Variants in BTRC observed in about 807,000 individuals in gnomAD.
BTRC encodes the protein beta-transducin repeat containing E3 ubiquitin protein ligase.
A neutral mutation model predicts 85.5 loss-of-function variants in BTRC; 42 were observed. That is an observed-to-expected ratio of 0.49 (90% CI 0.38 to 0.64). The LOEUF (loss-of-function observed/expected upper bound fraction) is 0.64. Among genes scored for constraint, BTRC ranks in the 30% least tolerant of loss-of-function variants. The pLI is 0.00. For missense variants in BTRC, 594 were observed against 743.5 expected, an observed-to-expected ratio of 0.80 and a Z score of 2.34; for synonymous variants, 255 against 263.3, an observed-to-expected ratio of 0.97 and a Z score of 0.30.
rs576384573 is a variant in BTRC at position 101,550,908 on chromosome 10, T to G, written c.*31+17T>G. 1.5e-5 allele frequency: 24 copies of G among 1,572,510 alleles called. No individual in the cohort carries two copies. In the East Asian group the frequency reaches 5.0e-4, roughly 33 times the overall value. Reference sequence around the variant, plus strand: ...CTTGCCCAGGTATCGAAATCGATTATGTACATAACACTGTGGGTAGGAGAC... The same window carrying G: ...CTTGCCCAGGTATCGAAATCGATTAGGTACATAACACTGTGGGTAGGAGAC... On this transcript the variant is annotated intron_variant, in intron 14 of 14. Transcript: ENST00000370187.
chr10:101,414,628 G>A (rs1310879145), intron 1 of BTRC: 3 of 516,908 alleles, frequency 5.8e-6, no homozygotes, highest in Non-Finnish European at 1.2e-5. Flanking sequence ...GGAGATGACA[G>A]GTCCATAGAT....
At chr10:101,389,937 A>G (rs1189786860) in intron 1 of BTRC, among the ~76,000 whole-genome samples, 2 of 152,124 alleles carry the variant, frequency 1.3e-5, no homozygotes, top group African/African-American at 2.4e-5. Flanking sequence ...TTGCAAGACC[A>G]CTATAAGGCC....
chr10:101,498,406 T>C (rs1163889320), intron 4 of BTRC, among the ~76,000 whole-genome samples: 5 of 151,966 alleles, frequency 3.3e-5, no homozygotes, highest in Middle Eastern at 3.2e-3. Flanking sequence ...CTGCCCCCCT[T>C]GGCCTCCCAA....
chr10:101,522,077 G>A (rs2062115944), intron 5 of BTRC, among the ~76,000 whole-genome samples: 1 of 114,824 alleles, frequency 8.7e-6, no homozygotes, highest in Non-Finnish European at 1.6e-5. Flanking sequence ...CTGTCGCCCA[G>A]GCTGGAATGC....
chr10:101,428,744 A>G (rs768149725), intron 1 of BTRC, among the ~76,000 whole-genome samples: 12 of 152,240 alleles, frequency 7.9e-5, no homozygotes, highest in Admixed American at 3.3e-4. Context: ...GCGTAGTCCT[A>G]TGGGTGGTAA....
chr10:101,483,231 T>TACAACC (rs1292805365), intron 4 of BTRC, among the ~76,000 whole-genome samples: 8 of 152,096 alleles, frequency 5.3e-5, no homozygotes, highest in African/African-American at 1.4e-4. Flanking sequence ...TAAAACAAAT[T>TACAACC]ACAACCACCC....
rs1412943010 is a variant in BTRC at position 101,475,951 on chromosome 10, A to ATATATATATATATT, written c.235-3414_235-3413insATATATATATTTAT. ...TATATATATATATATATATATATATATATTCAGTAATTCCTAAGGGGAAAA... is the reference window on the plus strand; with the variant it reads ...TATATATATATATATATATATATATATATATATATATATTTATTCAGTAATTCCTAAGGGGAAAA... On this transcript the variant is annotated intron_variant, in intron 3 of 14. Transcript: ENST00000370187. Among the ~76,000 whole-genome samples the ATATATATATATATT allele has an allele frequency of 1.8e-4, 25 of 139,654 alleles. 1 individual carries two copies. The highest frequency in any genetic ancestry group is 8.5e-4 in the Admixed American group (12 of 14,176). The allele number at this position is 139,654 out of a possible 152,430, so 91.6% of individuals were successfully genotyped here.
At chr10:101,401,999 T>C (rs1315048694) in intron 1 of BTRC, among the ~76,000 whole-genome samples, 1 of 152,176 alleles carries the variant, frequency 6.6e-6, no homozygotes, top group Non-Finnish European at 1.5e-5. Context: ...ACTTTTAAGA[T>C]CTGTTGTTTT....
At chr10:101,525,509 CT>C in intron 5 of BTRC, among the ~76,000 whole-genome samples, 1 of 152,150 alleles carries the variant, frequency 6.6e-6, no homozygotes, top group South Asian at 2.1e-4. Flanking sequence ...GCCCAAAATT[CT>C]ATAACCCAGC....
chr10:101,385,955 T>TAGA (rs1943068214), intron 1 of BTRC, among the ~76,000 whole-genome samples: 1 of 152,134 alleles, frequency 6.6e-6, no homozygotes. Flanking sequence ...AGCTTCATCA[T>TAGA]AAAGTGCCAT....
intron 1 of BTRC, among the ~76,000 whole-genome samples, chr10:101,398,595 G>A (rs1482005260): frequency 6.6e-6 from 1 of 152,132 alleles, no homozygotes; most frequent in Non-Finnish European, 1.5e-5. Flanking sequence ...GAGCAACTGC[G>A]CCCAGCTGAA....
intron 1 of BTRC, among the ~76,000 whole-genome samples, chr10:101,368,724 T>C (rs1184449424): frequency 6.6e-6 from 1 of 152,104 alleles, no homozygotes; most frequent in Non-Finnish European, 1.5e-5. Flanking sequence ...TCACTTAATA[T>C]CGTCTTTTTT....
At chr10:101,354,331 G>A in intron 1 of BTRC, 103 bp downstream of exon 1, 1 of 1,290,096 alleles carries the variant, frequency 7.8e-7, no homozygotes, top group Non-Finnish European at 1.0e-6. Flanking sequence ...CGGGACCCTG[G>A]GCCGAGGCTG....
intron 1 of BTRC, 28 bp downstream of exon 1, chr10:101,354,256 G>A: frequency 1.3e-6 from 2 of 1,548,014 alleles, no homozygotes; most frequent in Non-Finnish European, 1.7e-6. Context: ...GCCGGGGAAC[G>A]GTGGAGGCGC....
Position 101,411,593 on chromosome 10 carries a change from A to G in BTRC, c.49-18752A>G, listed in dbSNP as rs540488377. Among the ~76,000 whole-genome samples, 3 of 152,212 alleles carry G rather than the reference A, an allele frequency of 2.0e-5. No homozygotes were observed. The South Asian group carries it at 6.2e-4, about 32-fold the overall frequency. Reference sequence around the variant, plus strand: ...GCTAGTCCTATTTCATGAAATTATCATTTCAAACATTGTATTTTTCATTCT... The same window carrying G: ...GCTAGTCCTATTTCATGAAATTATCGTTTCAAACATTGTATTTTTCATTCT... On this transcript the variant is annotated intron_variant, in intron 1 of 14. Transcript: ENST00000370187.
chr10:101,521,547 A>G, intron 4 of BTRC, 92 bp from the exon 5 acceptor site: 1 of 892,156 alleles, frequency 1.1e-6, no homozygotes, highest in Non-Finnish European at 1.7e-6. Flanking sequence ...AATCATGTAG[A>G]CATAATATAG....
chr10:101,412,822 G>A (rs1943818481), intron 1 of BTRC, among the ~76,000 whole-genome samples: 1 of 152,152 alleles, frequency 6.6e-6, no homozygotes, highest in South Asian at 2.1e-4. Context: ...TGGCGATTAA[G>A]TTTATATACA....
chr10:101,465,878 C>T (rs954011009), intron 3 of BTRC, among the ~76,000 whole-genome samples: 1 of 152,058 alleles, frequency 6.6e-6, no homozygotes, highest in Non-Finnish European at 1.5e-5. Flanking sequence ...AGTTAATTTT[C>T]TTAGTTTCAG....
In BTRC at chr10:101,460,849, CCTG is replaced by C. The variant is rs1945204639; in HGVS notation, c.157-1131_157-1129del. Among the ~76,000 whole-genome samples, 13 of 152,288 alleles carry C rather than the reference CCTG, an allele frequency of 8.5e-5. No homozygotes were observed. The South Asian group carries it at 2.3e-3, about 27-fold the overall frequency. On this transcript the variant is annotated intron_variant, in intron 2 of 14. Coordinates refer to ENST00000370187, the MANE Select transcript of BTRC (RefSeq NM_033637.4). ...CTGAACCTACAAATAAACTAACCCTCCTGTTAGAACGTTATGACTATATGTAAT... is the reference window on the plus strand; with the variant it reads ...CTGAACCTACAAATAAACTAACCCTCTTAGAACGTTATGACTATATGTAAT...
Sources: allele counts gnomAD v4.1 joint callset (sites outside exome capture counted in the v4.1 genomes callset), GRCh38; gene constraint gnomAD v4.1.1; transcripts MANE v1.5; gene names NCBI Gene and HGNC (gene_info 2026-07-23, HGNC 2026-07-21).